Variants in S100A4 observed in about 807,000 individuals in gnomAD.
The protein encoded by S100A4 is S100 calcium binding protein A4.
In S100A4, 4 loss-of-function variants were observed where a neutral mutation model predicts 6.3. The ratio of observed to expected loss-of-function variants is 0.64; its 90% confidence interval spans 0.31 to 1.46. The LOEUF (loss-of-function observed/expected upper bound fraction) is 1.46, where lower values mean the gene tolerates loss of function less well. Among genes scored for constraint, S100A4 ranks in the 40% most tolerant of loss-of-function variants. S100A4 has a pLI of 0.07. For synonymous variants in S100A4, 44 were observed against 47.6 expected, an observed-to-expected ratio of 0.92 and a Z score of 0.32; for missense variants, 108 against 120.8, an observed-to-expected ratio of 0.89 and a Z score of 0.50.
chr1:153,543,735 C>A lies in S100A4; in HGVS notation c.*24G>T. Reference sequence around the variant, plus strand: ...ACAGGGAGGGCCCCAGCTGGCAGACCCCCCAACCACATCAGAGGAGTTTTC... The same window carrying A: ...ACAGGGAGGGCCCCAGCTGGCAGACACCCCAACCACATCAGAGGAGTTTTC... On this transcript the variant is annotated 3_prime_UTR_variant, in exon 3 of 3. Transcript: ENST00000368716. The A allele has an allele frequency of 6.2e-7, 1 of 1,608,736 alleles. No homozygotes were observed. Among genetic ancestry groups the A allele is most frequent in the Non-Finnish European group, 8.5e-7 (1 of 1,176,552 alleles).
At chr1:153,545,007 C>T (rs998977708) in intron 1 of S100A4, 198 bp from the exon 2 acceptor site, 2 of 577,000 alleles carry the variant, frequency 3.5e-6, no homozygotes, top group Admixed American at 3.1e-5. Context: ...GGGCAGTGAA[C>T]ATTTGCAAGA....
chr1:153,544,945 T>G (rs1212952973), intron 1 of S100A4, 136 bp from the exon 2 acceptor site: 11 of 1,079,098 alleles, frequency 1.0e-5, no homozygotes, highest in Non-Finnish European at 1.5e-5. Context: ...CCCAGAGCAG[T>G]GGGCCCCCGC....
chr1:153,544,004 C>T lies in S100A4; in HGVS notation c.142-81G>A, dbSNP rs932238092. The stretch of plus-strand genomic sequence containing the variant: ...ACCAGACCCAGTTTCTACTCCCAGA[C>T]CAGAGTTCAGGGAGGCTCCTTTGGG... On this transcript the variant is annotated intron_variant, in intron 2 of 2. Coordinates refer to ENST00000368716, the MANE Select transcript of S100A4 (RefSeq NM_002961.3). 3.3e-6 allele frequency: 5 copies of T among 1,504,784 alleles called. No individual in the cohort carries two copies. In the African/African-American group the frequency reaches 5.5e-5, roughly 17 times the overall value. 93.2% of individuals were successfully genotyped at this position (1,504,784 alleles called of 1,614,324 possible).
intron 1 of S100A4, chr1:153,545,552 T>C (rs1430678753): frequency 1.3e-5 from 2 of 152,406 alleles, no homozygotes; most frequent in Admixed American, 6.5e-5. Context: ...TTGCTCACTT[T>C]TCTGTTTGTT....
chr1:153,544,019 G>C, intron 2 of S100A4, 96 bp from the exon 3 acceptor site: 1 of 1,382,862 alleles, frequency 7.2e-7, no homozygotes, highest in Non-Finnish European at 1.0e-6. Context: ...GTTCAGGGAG[G>C]CTCCTTTGGG....
In S100A4 at chr1:153,543,874, C is replaced by A; in HGVS notation, c.191G>T (p.Ser64Ile). 1 of 1,614,232 alleles carries A rather than the reference C, an allele frequency of 6.2e-7. No homozygotes were observed. Reference protein sequence around the residue: ...AFQKLMSNLDSNRDNEVDFQE... With the variant: ...AFQKLMSNLDINRDNEVDFQE... ...GAAGTCCACCTCGTTGTCCCTGTTG[C>A]TGTCCAAGTTGCTCATCAGCTTCTG... The change falls in exon 3 of 3, where the codon AGC becomes ATC. Residue 64 changes from serine to isoleucine, a missense_variant. Ser to Ile is a moderately radical substitution (Grantham distance 142). Transcript: ENST00000368716.
rs1214411057 is a variant in S100A4 at position 153,545,775 on chromosome 1, TGAGGA to T, written c.-43_-39del. On this transcript the variant is annotated 5_prime_UTR_variant, in exon 1 of 3. Transcript: ENST00000368716. ...CACCAAACCAAGAAAGAAGAAGCGC[TGAGGA>T]GAGAGGGTTGTAGAGAGGGGAAGAA... 1 of 152,940 alleles carries T rather than the reference TGAGGA, an allele frequency of 6.5e-6. No individual in the cohort carries two copies. The highest frequency in any genetic ancestry group is 1.5e-5 in the Non-Finnish European group (1 of 68,542). The allele number at this position is 152,940 out of a possible 1,614,324, so 9.5% of individuals were successfully genotyped here.
rs1255601918 is a variant in S100A4, at chr1:153,543,740, AACC to A, written c.*16_*18del. On this transcript the variant is annotated 3_prime_UTR_variant, in exon 3 of 3. Transcript: ENST00000368716. ...GAGGGCCCCAGCTGGCAGACCCCCC[AACC>A]ACATCAGAGGAGTTTTCATTTCTTC... 1 of 1,610,154 alleles carries A rather than the reference AACC, an allele frequency of 6.2e-7. No homozygotes were observed. The highest frequency in any genetic ancestry group is 8.5e-7 in the Non-Finnish European group (1 of 1,177,464).
rs374148108 is a variant in S100A4, at chr1:153,543,708, C to A, written c.*51G>T. The A allele has an allele frequency of 1.9e-6, 3 of 1,571,684 alleles. No individual in the cohort carries two copies. Among genetic ancestry groups the A allele is most frequent in the African/African-American group, 2.7e-5 (2 of 73,068 alleles). On this transcript the variant is annotated 3_prime_UTR_variant, in exon 3 of 3. Coordinates refer to ENST00000368716, the MANE Select transcript of S100A4 (RefSeq NM_002961.3). ...GTGGAAAAAAAAAAGTGCCCACTGG[C>A]GACAGGGAGGGCCCCAGCTGGCAGA... is the stretch of plus-strand genomic sequence containing the variant.
intron 2 of S100A4, among the ~76,000 whole-genome samples, chr1:153,544,428 C>G (rs1395988323): frequency 1.3e-5 from 2 of 152,176 alleles, no homozygotes; most frequent in Non-Finnish European, 2.9e-5. Context: ...CTTAGTCTTC[C>G]CTTCAGTTAA....
rs1042514343 is a variant in S100A4 at position 153,543,860 on chromosome 1, C to T, written c.205G>A (p.Glu69Lys). ...ACACAGTACTCTTGGAAGTCCACCT[C>T]GTTGTCCCTGTTGCTGTCCAAGTTG... The part of the protein sequence containing the change: ...MSNLDSNRDN[E>K]VDFQEYCVFL... The change falls in exon 3 of 3, where the codon GAG (glutamate) becomes AAG (lysine). Residue 69 changes from glutamate (E) to lysine (K), a missense_variant. Glu to Lys is a moderately conservative substitution (Grantham distance 56, BLOSUM62 1). Transcript: ENST00000368716. 41 of 1,614,066 alleles carry T rather than the reference C, an allele frequency of 2.5e-5. No individual in the cohort carries two copies. The East Asian group carries it at 3.6e-4, about 14-fold the overall frequency.
intron 2 of S100A4, among the ~76,000 whole-genome samples, chr1:153,544,349 T>A (rs1233958797): frequency 1.3e-5 from 2 of 151,836 alleles, no homozygotes; most frequent in Non-Finnish European, 2.9e-5. Context: ...ATGGCAAGAG[T>A]CAGACAGTCC....
intron 1 of S100A4, 152 bp from the exon 2 acceptor site, chr1:153,544,961 G>T (rs761257416): frequency 8.0e-6 from 7 of 870,964 alleles, no homozygotes; most frequent in Non-Finnish European, 1.2e-5. Context: ...CCCGCACCTG[G>T]CTGGGAGGGT....
In S100A4 at chr1:153,543,852, G is replaced by T; in HGVS notation, c.213C>A (p.Asp71Glu). 1 of 1,614,216 alleles carries T rather than the reference G, an allele frequency of 6.2e-7. No individual in the cohort carries two copies. The highest frequency in any genetic ancestry group is 8.5e-7 in the Non-Finnish European group (1 of 1,180,030). Residue 71 changes from aspartate to glutamate, a missense_variant, in exon 3 of 3, where the codon GAC becomes GAA. Asp to Glu is a conservative substitution (Grantham distance 45). Transcript: ENST00000368716. ...NLDSNRDNEV[D>E]FQEYCVFLSC... is the part of the protein sequence containing the mutation. ...ACAGGAAGACACAGTACTCTTGGAA[G>T]TCCACCTCGTTGTCCCTGTTGCTGT...
At chr1:153,544,482 C>T (rs535180003) in intron 2 of S100A4, among the ~76,000 whole-genome samples, 172 bp downstream of exon 2, 3 of 152,330 alleles carry the variant, frequency 2.0e-5, no homozygotes, top group Admixed American at 6.5e-5. Context: ...TCATTCTCAG[C>T]CCTCTTTCAG....
chr1:153,544,245 A>C (rs1665483338), intron 2 of S100A4, among the ~76,000 whole-genome samples: 1 of 152,236 alleles, frequency 6.6e-6, no homozygotes, highest in Non-Finnish European at 1.5e-5. Context: ...TTATTGTTTG[A>C]AGGGAACGTC....
chr1:153,544,046 T>C, intron 2 of S100A4, 123 bp from the exon 3 acceptor site: 8 of 1,027,540 alleles, frequency 7.8e-6, no homozygotes, highest in Non-Finnish European at 1.1e-5. Context: ...AGTTTGGAAC[T>C]CCAACCCTCA....
At chr1:153,545,236 TAGCTC>T in intron 1 of S100A4, 1 of 183,466 alleles carries the variant, frequency 5.5e-6, no homozygotes, top group East Asian at 1.3e-4. Context: ...CACAGCCGCT[TAGCTC>T]TCAGCATGGG....
chr1:153,544,891 C>T, intron 1 of S100A4, 82 bp from the exon 2 acceptor site: 1 of 1,540,424 alleles, frequency 6.5e-7, no homozygotes, highest in Non-Finnish European at 8.8e-7. Context: ...CACTCCCATC[C>T]CTCCAGGAGC....
Sources: allele counts gnomAD v4.1 joint callset (sites outside exome capture counted in the v4.1 genomes callset), GRCh38; gene constraint gnomAD v4.1.1; transcripts MANE v1.5; gene names NCBI Gene and HGNC (gene_info 2026-07-23, HGNC 2026-07-21).